The following ICE1 variants were observed in gnomAD, a reference collection of about 807,000 sequenced individuals.
ICE1 encodes the protein little elongation complex subunit 1.
In ICE1, 64 loss-of-function variants were observed where a neutral mutation model predicts 192.7. That is an observed-to-expected ratio of 0.33 (90% CI 0.27 to 0.41). The LOEUF (loss-of-function observed/expected upper bound fraction) is 0.41. Among genes scored for constraint, ICE1 ranks in the 10% least tolerant of loss-of-function variants. ICE1 has a pLI of 1.00. For synonymous variants in ICE1, 1,010 were observed against 984.5 expected, an observed-to-expected ratio of 1.03 and a Z score of -0.49; for missense variants, 2,708 against 2,696.0, an observed-to-expected ratio of 1.00 and a Z score of -0.10.
At chr5:5,481,798 C>G (rs994720542) in intron 17 of ICE1, among the ~76,000 whole-genome samples, 2 of 152,168 alleles carry the variant, frequency 1.3e-5, no homozygotes, top group African/African-American at 4.8e-5. Flanking sequence ...AATGCTTACT[C>G]AAGTGTTATA....
chr5:5,437,272 C>A, intron 3 of ICE1, 158 bp downstream of exon 3: 1 of 523,632 alleles, frequency 1.9e-6, no homozygotes, highest in Non-Finnish European at 3.4e-6. Flanking sequence ...ACAGACAGTC[C>A]TTTTATTCTT....
In ICE1 at chr5:5,462,567, AACATGGAGAGAC is replaced by A. The variant is rs1738828853; in HGVS notation, c.3237_3248del (p.His1079_Thr1082del). 1.9e-6 allele frequency: 3 copies of A among 1,614,046 alleles called. No individual in the cohort carries two copies. The highest frequency in any genetic ancestry group is 1.6e-4 in the Middle Eastern group (1 of 6,062). ...ACTTTTTCTTCAGCATTTTGCAGAA[AACATGGAGAGAC>A]ACAGGATACCTCCCAAAGTAGCCTG... On this transcript the variant is annotated inframe_deletion, in exon 13 of 19. Coordinates refer to ENST00000296564, the MANE Select transcript of ICE1 (RefSeq NM_015325.3).
chr5:5,426,731 C>A (rs1001596271), intron 1 of ICE1, among the ~76,000 whole-genome samples: 2 of 152,070 alleles, frequency 1.3e-5, no homozygotes, highest in South Asian at 2.1e-4. Flanking sequence ...GAACCAAGAT[C>A]GGAAAGAATG....
intron 7 of ICE1, among the ~76,000 whole-genome samples, chr5:5,444,861 C>T (rs762961741): frequency 6.6e-6 from 1 of 152,272 alleles, no homozygotes; most frequent in East Asian, 1.9e-4. Context: ...GCAGAGGGAC[C>T]ATGCGAGAAT....
At chr5:5,434,557 A>G (rs1338387299) in intron 1 of ICE1, among the ~76,000 whole-genome samples, 1 of 152,182 alleles carries the variant, frequency 6.6e-6, no homozygotes, top group African/African-American at 2.4e-5. Flanking sequence ...ATTTTTGCAT[A>G]CCCTTAAGAA....
chr5:5,463,881 A>C lies in ICE1; in HGVS notation c.4547A>C (p.Lys1516Thr). The C allele has an allele frequency of 1.2e-6, 2 of 1,614,020 alleles. No individual in the cohort carries two copies. Among genetic ancestry groups the C allele is most frequent in the South Asian group, 2.2e-5 (2 of 91,076 alleles). The change falls in exon 13 of 19, where the codon AAG becomes ACG. Residue 1516 changes from lysine to threonine, a missense_variant. Transcript: ENST00000296564. The stretch of plus-strand genomic sequence containing the variant: ...AGTCGTTTGCGAAATAGACCCGTTA[A>C]GCCTAGTATATGGATTAGTTCTCAA... ...DKSRLRNRPVKPSIWISSQIY... is the reference protein window; with the variant it reads ...DKSRLRNRPVTPSIWISSQIY...
At chr5:5,482,118 T>C (rs1011145617) in intron 17 of ICE1, among the ~76,000 whole-genome samples, 1 of 152,218 alleles carries the variant, frequency 6.6e-6, no homozygotes, top group African/African-American at 2.4e-5. Flanking sequence ...AATATGTTAA[T>C]AGTTTATTTA....
intron 3 of ICE1, 109 bp downstream of exon 3, chr5:5,437,223 A>C: frequency 2.5e-6 from 2 of 784,728 alleles, no homozygotes. Flanking sequence ...ATAGTACTTA[A>C]CAGGCTTCAG....
Position 5,461,800 on chromosome 5 carries a change from A to C in ICE1, c.2466A>C (p.Ala822=). 6.2e-7 allele frequency: 1 copy of C among 1,614,050 alleles called. No individual in the cohort carries two copies. Among genetic ancestry groups the C allele is most frequent in the Non-Finnish European group, 8.5e-7 (1 of 1,179,894 alleles). The stretch of plus-strand genomic sequence containing the variant: ...AGACTAGCCATCAGTTACAAAAGGC[A>C]ATGCCATTCCTACAAAATAGAGGAC... ...EQKTSHQLQK[A]MPFLQNRGPT... Residue 822 remains alanine (A), a synonymous_variant, in exon 13 of 19, where the codon GCA becomes GCC. Coordinates refer to ENST00000296564, the MANE Select transcript of ICE1 (RefSeq NM_015325.3).
intron 10 of ICE1, among the ~76,000 whole-genome samples, chr5:5,452,294 T>TAG (rs1167703749): frequency 6.6e-6 from 1 of 151,764 alleles, no homozygotes; most frequent in African/African-American, 2.4e-5. Flanking sequence ...ACTACTAATG[T>TAG]AGAGAATTTA....
intron 17 of ICE1, among the ~76,000 whole-genome samples, chr5:5,481,907 A>G (rs1477993098): frequency 1.3e-5 from 2 of 152,184 alleles, no homozygotes; most frequent in Non-Finnish European, 2.9e-5. Flanking sequence ...TACTGCATCC[A>G]TGTTTGTGCA....
Position 5,467,346 on chromosome 5 carries a change from G to A in ICE1, c.6061+844G>A, listed in dbSNP as rs528752307. Among the ~76,000 whole-genome samples the A allele has an allele frequency of 3.9e-5, 6 of 152,290 alleles. No homozygotes were observed. The South Asian group carries it at 1.2e-3, about 32-fold the overall frequency. ...ATCACAAAAACACACATGAAGTTCA[G>A]CAGTTGGTGGGTGGTGGGACGGAAC... is the stretch of plus-strand genomic sequence containing the variant. On this transcript the variant is annotated intron_variant, in intron 14 of 18. Coordinates refer to ENST00000296564, the MANE Select transcript of ICE1 (RefSeq NM_015325.3).
chr5:5,473,893 G>A, intron 16 of ICE1, 145 bp downstream of exon 16: 1 of 626,214 alleles, frequency 1.6e-6, no homozygotes, highest in Non-Finnish European at 2.6e-6. Context: ...TATTTTATAA[G>A]AGTTAATAAA....
Position 5,462,334 on chromosome 5 carries a change from T to C in ICE1, c.3000T>C (p.Ser1000=). ...TDLDSSGTHG[S]EMLPATEVTV... Reference sequence around the variant, plus strand: ...TGGACTCCAGTGGGACACATGGCAGTGAGATGCTTCCAGCCACAGAAGTGA... The same window carrying C: ...TGGACTCCAGTGGGACACATGGCAGCGAGATGCTTCCAGCCACAGAAGTGA... The change falls in exon 13 of 19, where the codon AGT becomes AGC. Residue 1000 remains serine, a synonymous_variant. Coordinates refer to ENST00000296564, the MANE Select transcript of ICE1 (RefSeq NM_015325.3). The C allele has an allele frequency of 3.7e-6, 6 of 1,612,796 alleles. No individual in the cohort carries two copies. The highest frequency in any genetic ancestry group is 5.1e-6 in the Non-Finnish European group (6 of 1,178,842).
intron 5 of ICE1, among the ~76,000 whole-genome samples, chr5:5,441,571 T>C (rs1738054856): frequency 6.6e-6 from 1 of 152,224 alleles, no homozygotes; most frequent in Non-Finnish European, 1.5e-5. Context: ...ATTCAAACTT[T>C]AAATGTAGAG....
At chr5:5,438,354 C>CCT (rs1213581456) in intron 3 of ICE1, among the ~76,000 whole-genome samples, 1 of 152,156 alleles carries the variant, frequency 6.6e-6, no homozygotes, top group East Asian at 1.9e-4. Context: ...ACAGCCAGAC[C>CCT]ATATCATCAT....
At chr5:5,425,675 T>G (rs1321910291) in intron 1 of ICE1, among the ~76,000 whole-genome samples, 1 of 152,230 alleles carries the variant, frequency 6.6e-6, no homozygotes, top group African/African-American at 2.4e-5. Flanking sequence ...ATTCTTGTAC[T>G]TATTTCTGTC....
At chr5:5,485,675 T>C (rs552429526) in intron 17 of ICE1, among the ~76,000 whole-genome samples, 1 of 152,388 alleles carries the variant, frequency 6.6e-6, no homozygotes, top group African/African-American at 2.4e-5. Flanking sequence ...TGCCCACTTA[T>C]GATTTTGTAA....
At chr5:5,448,384 A>T (rs554342985) in intron 10 of ICE1, among the ~76,000 whole-genome samples, 2 of 151,688 alleles carry the variant, frequency 1.3e-5, no homozygotes, top group South Asian at 2.1e-4. Context: ...GGAACAAGGG[A>T]ATGTCATACA....
Sources: gnomAD v4.1 joint callset for allele counts (sites outside exome capture counted in the v4.1 genomes callset) on GRCh38, gnomAD v4.1.1 for gene constraint, MANE v1.5 for transcripts, NCBI Gene and HGNC (gene_info 2026-07-23, HGNC 2026-07-21) for gene names.